The following LY96 variants were observed in gnomAD, a reference collection of about 807,000 sequenced individuals.
LY96 encodes the protein myeloid differentiation protein-2.
Under a neutral mutation model 18.9 loss-of-function variants are expected in LY96, and 18 were observed. That is an observed-to-expected ratio of 0.95 (90% CI 0.66 to 1.41). LY96 has a LOEUF of 1.41. LY96 is among the 40% of genes most tolerant of loss of function. LY96 has a pLI of 0.00. For missense variants in LY96, 175 were observed against 182.4 expected, an observed-to-expected ratio of 0.96 and a Z score of 0.23; for synonymous variants, 66 against 62.6, an observed-to-expected ratio of 1.06 and a Z score of -0.26.
intron 1 of LY96, among the ~76,000 whole-genome samples, chr8:73,999,758 A>G (rs1816225687): frequency 6.6e-6 from 1 of 152,118 alleles, no homozygotes; most frequent in East Asian, 1.9e-4. Context: ...GCCTTATGTG[A>G]TCCTTCCACC....
At chr8:74,068,058 T>C in the LY96 span, among the ~76,000 whole-genome samples, 2 of 59,512 alleles carry the variant, frequency 3.4e-5, no homozygotes, top group African/African-American at 2.2e-4. Flanking sequence ...TGAAACTCTG[T>C]CTCAAAAAAA....
chr8:74,027,311 C>CTTT (rs546118809), intron 4 of LY96, among the ~76,000 whole-genome samples: 1 of 135,642 alleles, frequency 7.4e-6, no homozygotes, highest in African/African-American at 2.7e-5. Context: ...TTAGAATTAG[C>CTTT]TTTTTTTTTT....
chr8:74,097,859 C>T, the LY96 span, among the ~76,000 whole-genome samples: 3 of 152,216 alleles, frequency 2.0e-5, no homozygotes, highest in Admixed American at 6.5e-5. Flanking sequence ...GACTCTCAGA[C>T]CTGGCACCAG....
At chr8:73,993,086 G>T (rs1816044526) in intron 1 of LY96, among the ~76,000 whole-genome samples, 2 of 150,340 alleles carry the variant, frequency 1.3e-5, no homozygotes, top group Non-Finnish European at 3.0e-5. Flanking sequence ...TGGTCTCAAT[G>T]TCCTGATCTT....
the LY96 span, among the ~76,000 whole-genome samples, chr8:74,097,591 C>T: frequency 6.6e-6 from 1 of 152,102 alleles, no homozygotes; most frequent in Admixed American, 6.6e-5. Flanking sequence ...TGACTGTAGT[C>T]CCAGCTACTC....
chr8:74,063,818 C>G, the LY96 span, among the ~76,000 whole-genome samples: 1 of 151,966 alleles, frequency 6.6e-6, no homozygotes, highest in African/African-American at 2.4e-5. Flanking sequence ...AAGTTTATGA[C>G]CAGCCACTTT....
chr8:74,037,319 A>T, the LY96 span, among the ~76,000 whole-genome samples: 1 of 152,160 alleles, frequency 6.6e-6, no homozygotes, highest in Admixed American at 6.5e-5. Context: ...TACTGTGAAC[A>T]GAAGAATGGT....
At chr8:74,040,934 C>T in the LY96 span, among the ~76,000 whole-genome samples, 26 of 152,112 alleles carry the variant, frequency 1.7e-4, no homozygotes, top group African/African-American at 6.3e-4. Flanking sequence ...GATCTCCTGA[C>T]CTCGTGATCC....
chr8:74,062,179 G>A, the LY96 span, among the ~76,000 whole-genome samples: 1 of 152,128 alleles, frequency 6.6e-6, no homozygotes, highest in Non-Finnish European at 1.5e-5. Flanking sequence ...AGTAACAGCA[G>A]GTGACATCTC....
chr8:74,020,582 C>A (rs1026596444), intron 3 of LY96, among the ~76,000 whole-genome samples: 1 of 152,066 alleles, frequency 6.6e-6, no homozygotes, highest in Non-Finnish European at 1.5e-5. Flanking sequence ...TAAAGTTCAT[C>A]TGGAACCAAA....
the LY96 span, among the ~76,000 whole-genome samples, chr8:74,038,631 G>C: frequency 6.6e-6 from 1 of 152,160 alleles, no homozygotes; most frequent in African/African-American, 2.4e-5. Flanking sequence ...CCTCAAGGGA[G>C]GCCTACCGTC....
chr8:74,098,519 G>C, the LY96 span, among the ~76,000 whole-genome samples: 3 of 152,090 alleles, frequency 2.0e-5, no homozygotes, highest in Non-Finnish European at 4.4e-5. Context: ...GGGATTACAG[G>C]CACCCACCAC....
intron 3 of LY96, among the ~76,000 whole-genome samples, chr8:74,022,297 C>T (rs2131281155): frequency 6.6e-6 from 1 of 152,022 alleles, no homozygotes; most frequent in South Asian, 2.1e-4. Context: ...ATCCCCGCTA[C>T]CACCCGGGAG....
chr8:74,087,720 C>A, the LY96 span, among the ~76,000 whole-genome samples: 3 of 152,194 alleles, frequency 2.0e-5, no homozygotes, highest in Admixed American at 6.5e-5. Context: ...TGAAAGACAT[C>A]GCCAAGCTTT....
the LY96 span, among the ~76,000 whole-genome samples, chr8:74,072,299 A>C: frequency 6.6e-6 from 1 of 152,184 alleles, no homozygotes; most frequent in South Asian, 2.1e-4. Flanking sequence ...TTTATCTTGC[A>C]AGCCTGTTTG....
At chr8:74,036,586 T>A in the LY96 span, among the ~76,000 whole-genome samples, 1 of 152,048 alleles carries the variant, frequency 6.6e-6, no homozygotes, top group Non-Finnish European at 1.5e-5. Context: ...TTTTTACACA[T>A]CTATACTTTC....
chr8:74,035,136 A>G, the LY96 span, among the ~76,000 whole-genome samples: 2 of 152,222 alleles, frequency 1.3e-5, no homozygotes, highest in African/African-American at 2.4e-5. Flanking sequence ...ACCCAAGATT[A>G]CTGTACTCAA....
chr8:74,033,363 G>A (rs976530565), downstream of LY96, among the ~76,000 whole-genome samples: 2 of 152,174 alleles, frequency 1.3e-5, no homozygotes, highest in African/African-American at 4.8e-5. Context: ...AAAATCCAAA[G>A]ACAATGGTTA....
In LY96 at chr8:74,010,035, T is replaced by C. The variant is rs1300146595; in HGVS notation, c.237T>C (p.Tyr79=). ...RDLKQLYFNL[Y]ITVNTMNLPK... is the part of the protein sequence containing the mutation. The stretch of plus-strand genomic sequence containing the variant: ...TAAAGCAATTATATTTCAATCTCTA[T>C]ATAACTGTCAACACCATGAATCTTC... Residue 79 remains tyrosine (Y), a synonymous_variant, in exon 3 of 5, where the codon TAT becomes TAC. Transcript: ENST00000284818. The C allele has an allele frequency of 2.5e-6, 4 of 1,607,042 alleles. No homozygotes were observed. Among genetic ancestry groups the C allele is most frequent in the Non-Finnish European group, 3.4e-6 (4 of 1,173,694 alleles).
Sources: gnomAD v4.1 joint callset for allele counts (sites outside exome capture counted in the v4.1 genomes callset) on GRCh38, gnomAD v4.1.1 for gene constraint, MANE v1.5 for transcripts, NCBI Gene and HGNC (gene_info 2026-07-23, HGNC 2026-07-21) for gene names.